Variants in TMEM255A observed in about 807,000 individuals in gnomAD.
TMEM255A encodes family with sequence similarity 70, member A.
TMEM255A carries 14 observed loss-of-function variants against 23.5 expected under a neutral mutation model. That is an observed-to-expected ratio of 0.60 (90% CI 0.39 to 0.93). TMEM255A has a LOEUF of 0.93. TMEM255A is among the 40% of genes least tolerant of loss of function. TMEM255A has a pLI of 0.00. For missense variants in TMEM255A, 233 were observed against 261.7 expected, an observed-to-expected ratio of 0.89 and a Z score of 0.76; for synonymous variants, 104 against 100.3, an observed-to-expected ratio of 1.04 and a Z score of -0.22.
At chrX:120,291,823 T>C (rs2057917641) in intron 3 of TMEM255A, among the ~76,000 whole-genome samples, 1 of 108,417 alleles carries the variant, frequency 9.2e-6, no homozygotes. Flanking sequence ...TTTTACCCCC[T>C]CACACTGCTA....
At chrX:120,296,380 C>CTCTATTCTATTCTAT (rs5903573) in intron 2 of TMEM255A, among the ~76,000 whole-genome samples, 11,308 of 73,970 alleles carry the variant, frequency 0.15, 1,011 homozygotes, top group African/African-American at 0.16. Flanking sequence ...TCCCCTTCTC[C>CTCTATTCTATTCTAT]TCTATTCTAT....
intron 8 of TMEM255A, among the ~76,000 whole-genome samples, chrX:120,261,857 GGA>G: frequency 8.9e-6 from 1 of 111,937 alleles, no homozygotes; most frequent in Non-Finnish European, 1.9e-5. Context: ...CCCTGCTGAA[GGA>G]GAGGTGGCCT....
chrX:120,299,385 T>C (rs949171255), intron 2 of TMEM255A, among the ~76,000 whole-genome samples: 8 of 110,412 alleles, frequency 7.2e-5, no homozygotes, highest in Admixed American at 3.8e-4. Flanking sequence ...TCCTAGCTCA[T>C]TGCAGCCGGC....
At chrX:120,297,285 G>A (rs1018309303) in intron 2 of TMEM255A, among the ~76,000 whole-genome samples, 1 of 93,658 alleles carries the variant, frequency 1.1e-5, no homozygotes, top group African/African-American at 3.9e-5. Context: ...TCATAATAGA[G>A]CCTGCCATAC....
At chrX:120,294,090 A>ATGTC (rs2057936140) in intron 2 of TMEM255A, 39 bp from the exon 3 acceptor site, 1 of 1,010,579 alleles carries the variant, frequency 9.9e-7, no homozygotes, top group East Asian at 3.4e-5. Context: ...GTGGGATGAC[A>ATGTC]GTCAGGCTGA....
chrX:120,252,542 GA>G, the TMEM255A span: 2 of 111,758 alleles, frequency 1.8e-5, no homozygotes, highest in Non-Finnish European at 3.8e-5. Context: ...ATTTGGTGTG[GA>G]AAAAATTCTC....
chrX:120,288,316 C>T (rs910135406), intron 4 of TMEM255A, among the ~76,000 whole-genome samples: 36 of 112,093 alleles, frequency 3.2e-4, no homozygotes, highest in African/African-American at 1.1e-3. Flanking sequence ...CTACATGAAA[C>T]TCCTGCCTGC....
chrX:120,254,181 G>T (rs142932677), downstream of TMEM255A: 32 of 1,209,754 alleles, frequency 2.6e-5, no homozygotes, highest in East Asian at 9.2e-4. Context: ...TGTGAATCAG[G>T]CAACTTTGAG....
chrX:120,268,454 A>T (rs1023474741), intron 7 of TMEM255A, 67 bp from the exon 8 acceptor site: 2 of 889,198 alleles, frequency 2.2e-6, no homozygotes, highest in African/African-American at 4.0e-5. Flanking sequence ...AAATAAACTT[A>T]GTACATCTAT....
chrX:120,296,449 A>G (rs1316833964), intron 2 of TMEM255A, among the ~76,000 whole-genome samples: 1 of 102,622 alleles, frequency 9.7e-6, no homozygotes, highest in Non-Finnish European at 2.0e-5. Flanking sequence ...ACTCCAATGC[A>G]TTCAGTTTTC....
chrX:120,291,236 C>T lies in TMEM255A; in HGVS notation c.354+15G>A, dbSNP rs782640360. On this transcript the variant is annotated intron_variant, in intron 4 of 8. Coordinates refer to ENST00000371369, the MANE Select transcript of TMEM255A (RefSeq NM_001104544.3). ...ATTGCCTATTTACTTTAACTCAGGA[C>T]GAAAAAATACTCACAATGTGTCTGG... 21 of 1,190,648 alleles carry T rather than the reference C, an allele frequency of 1.8e-5. No homozygotes were observed. Among genetic ancestry groups the T allele is most frequent in the Admixed American group, 1.6e-4 (7 of 44,929 alleles).
At chrX:120,296,568 C>T (rs1284998842) in intron 2 of TMEM255A, among the ~76,000 whole-genome samples, 1 of 87,385 alleles carries the variant, frequency 1.1e-5, no homozygotes, top group African/African-American at 4.5e-5. Flanking sequence ...GGACCACAGA[C>T]CAGGTAAAAA....
intron 2 of TMEM255A, among the ~76,000 whole-genome samples, chrX:120,298,464 C>T (rs2058012546): frequency 9.0e-6 from 1 of 110,866 alleles, no homozygotes; most frequent in Admixed American, 9.6e-5. Flanking sequence ...GGTGGCAAAA[C>T]CTGATCTTGA....
In TMEM255A at chrX:120,285,307, A is replaced by G. The variant is rs1027308145; in HGVS notation, c.424-92T>C. The G allele has an allele frequency of 1.5e-5, 12 of 809,601 alleles. No individual in the cohort carries two copies. The East Asian group carries it at 3.8e-4, about 25-fold the overall frequency. 66.7% of individuals were successfully genotyped at this position (809,601 alleles called of 1,213,427 possible). ...AAATGCGAGTTAGTGACTGATGGAG[A>G]CAGTAAGGATGGCTTTGAAATGAAC... On this transcript the variant is annotated intron_variant, in intron 5 of 8. Coordinates refer to ENST00000371369, the MANE Select transcript of TMEM255A (RefSeq NM_001104544.3).
intron 6 of TMEM255A, among the ~76,000 whole-genome samples, chrX:120,279,149 A>AT (rs1310661839): frequency 1.7e-4 from 19 of 111,691 alleles, no homozygotes; most frequent in African/African-American, 5.5e-4. Flanking sequence ...TTAAAAAAAT[A>AT]TTTTTTGTAG....
intron 2 of TMEM255A, among the ~76,000 whole-genome samples, chrX:120,300,384 T>C (rs941815913): frequency 9.1e-6 from 1 of 110,157 alleles, no homozygotes; most frequent in Non-Finnish European, 1.9e-5. Flanking sequence ...TTTGTTTCTG[T>C]TTTGTTTTGT....
intron 7 of TMEM255A, chrX:120,273,299 A>G: frequency 3.3e-6 from 1 of 304,801 alleles, no homozygotes; most frequent in Non-Finnish European, 6.3e-6. Flanking sequence ...CAATGACATC[A>G]TGCTTGCAGA....
intron 7 of TMEM255A, chrX:120,273,638 T>C (rs1462518374): frequency 8.7e-6 from 1 of 114,865 alleles, no homozygotes. Flanking sequence ...AAGATATACA[T>C]ACAAATTGCA....
intron 3 of TMEM255A, 63 bp from the exon 4 acceptor site, chrX:120,291,403 A>AG (rs2057914636): frequency 1.1e-6 from 1 of 943,644 alleles, no homozygotes; most frequent in East Asian, 3.3e-5. Flanking sequence ...TCTGGGGACC[A>AG]GGCAATCCCC....
Sources: gnomAD v4.1 joint callset for allele counts (sites outside exome capture counted in the v4.1 genomes callset) on GRCh38, gnomAD v4.1.1 for gene constraint, MANE v1.5 for transcripts, NCBI Gene and HGNC (gene_info 2026-07-23, HGNC 2026-07-21) for gene names.